The following PGM5 variants were observed in gnomAD, a reference collection of about 807,000 sequenced individuals.
PGM5 encodes the protein phosphoglucomutase 5.
A neutral mutation model predicts 59.2 loss-of-function variants in PGM5; 23 were observed. The observed-to-expected ratio is 0.39, with a 90% CI of 0.28 to 0.55. PGM5 has a LOEUF of 0.55. PGM5 is among the 20% of genes least tolerant of loss of function. The pLI is 0.66. For missense variants in PGM5, 574 were observed against 748.3 expected (o/e 0.77, Z 2.72); for synonymous variants, 214 against 286.0 (o/e 0.75, Z 2.54).
chr9:68,472,805 A>C (rs1554686357), intron 7 of PGM5, among the ~76,000 whole-genome samples: 1 of 152,052 alleles, frequency 6.6e-6, no homozygotes, highest in African/African-American at 2.4e-5. Flanking sequence ...ACTATTTATT[A>C]CTATTTTACT....
chr9:68,422,901 A>G (rs1462389391), intron 6 of PGM5, among the ~76,000 whole-genome samples: 1 of 152,028 alleles, frequency 6.6e-6, no homozygotes, highest in African/African-American at 2.4e-5. Flanking sequence ...CGTGTCCCCA[A>G]AGTCCATTGT....
At chr9:68,405,665 T>TCTCCTTCCCTG (rs1822789035) in intron 6 of PGM5, 1 of 153,946 alleles carries the variant, frequency 6.5e-6, no homozygotes, top group South Asian at 2.0e-4. Flanking sequence ...CTCCTTCCCT[T>TCTCCTTCCCTG]CTCCCTCCTT....
rs1176887070 is a variant in PGM5, at chr9:68,531,046, C to G, written c.*1390C>G. On this transcript the variant is annotated 3_prime_UTR_variant, in exon 11 of 11. Transcript: ENST00000396396. ...TTTAGTGGCCAATAAAAAAGAAATT[C>G]CTAATTTCAACCTTATCCAAGGATT... 1 of 152,164 alleles carries G rather than the reference C, an allele frequency of 6.6e-6. No individual in the cohort carries two copies. Among genetic ancestry groups the G allele is most frequent in the African/African-American group, 2.4e-5 (1 of 41,422 alleles). 9.4% of individuals were successfully genotyped at this position (152,164 alleles called of 1,614,324 possible). A position where few individuals can be genotyped will look rare whatever the true frequency, so the allele number is the denominator to read the frequency against.
intron 6 of PGM5, among the ~76,000 whole-genome samples, chr9:68,464,128 A>G (rs782161605): frequency 6.6e-6 from 1 of 152,210 alleles, no homozygotes; most frequent in Non-Finnish European, 1.5e-5. Flanking sequence ...TTTGATGGAC[A>G]TTTGGATTGT....
chr9:68,519,652 A>T (rs1260290914), intron 10 of PGM5, among the ~76,000 whole-genome samples: 2 of 150,590 alleles, frequency 1.3e-5, no homozygotes, highest in African/African-American at 4.9e-5. Flanking sequence ...AAAGTATAAT[A>T]AAAAAAAATT....
At chr9:68,472,887 C>G (rs1554686361) in intron 7 of PGM5, among the ~76,000 whole-genome samples, 1 of 152,222 alleles carries the variant, frequency 6.6e-6, no homozygotes, top group African/African-American at 2.4e-5. Context: ...GTGTCCTTTG[C>G]TGCTGTCTGA....
chr9:68,528,512 C>T (rs1284596368), intron 10 of PGM5, among the ~76,000 whole-genome samples: 1 of 152,208 alleles, frequency 6.6e-6, no homozygotes, highest in Admixed American at 6.5e-5. Flanking sequence ...ATTGGGATTA[C>T]AGGCATGAGC....
intron 6 of PGM5, among the ~76,000 whole-genome samples, chr9:68,448,937 A>T (rs1823655008): frequency 6.6e-6 from 1 of 152,182 alleles, no homozygotes; most frequent in Non-Finnish European, 1.5e-5. Flanking sequence ...TTGGGCTACT[A>T]TAGTAAATTA....
intron 10 of PGM5, among the ~76,000 whole-genome samples, chr9:68,503,376 T>C (rs974116841): frequency 6.6e-6 from 1 of 152,196 alleles, no homozygotes; most frequent in East Asian, 1.9e-4. Context: ...ACAACCCCAT[T>C]TTATAATAAA....
At chr9:68,383,023 T>C (rs1300910401) in intron 2 of PGM5, among the ~76,000 whole-genome samples, 1 of 152,022 alleles carries the variant, frequency 6.6e-6, no homozygotes, top group African/African-American at 2.4e-5. Context: ...ACCTATTCTT[T>C]AAGTTTTGTG....
intron 6 of PGM5, among the ~76,000 whole-genome samples, chr9:68,412,263 CTTTA>C (rs781906427): frequency 6.6e-6 from 1 of 152,128 alleles, no homozygotes; most frequent in African/African-American, 2.4e-5. Flanking sequence ...ATTTTTCTTC[CTTTA>C]TTTAAATCTT....
chr9:68,414,088 C>A (rs1189350807), intron 6 of PGM5, among the ~76,000 whole-genome samples: 1 of 152,152 alleles, frequency 6.6e-6, no homozygotes, highest in Non-Finnish European at 1.5e-5. Flanking sequence ...GGTATCTCCC[C>A]ACCTTCTTGC....
At chr9:68,450,757 A>G (rs1338480978) in intron 6 of PGM5, among the ~76,000 whole-genome samples, 1 of 152,216 alleles carries the variant, frequency 6.6e-6, no homozygotes, top group African/African-American at 2.4e-5. Flanking sequence ...CATTGTTTCA[A>G]GATTTTCAGA....
chr9:68,436,436 G>A (rs1587809472), intron 6 of PGM5, among the ~76,000 whole-genome samples: 4 of 152,276 alleles, frequency 2.6e-5, no homozygotes, highest in Admixed American at 2.6e-4. Context: ...GCAGGACCCG[G>A]AAGATAAAAA....
chr9:68,400,328 C>A (rs1342519639), intron 6 of PGM5, among the ~76,000 whole-genome samples: 1 of 152,142 alleles, frequency 6.6e-6, no homozygotes, highest in Non-Finnish European at 1.5e-5. Flanking sequence ...ACATTCTTAT[C>A]CTGCACTCTA....
intron 10 of PGM5, among the ~76,000 whole-genome samples, chr9:68,518,137 A>G (rs1293057981): frequency 6.6e-6 from 1 of 152,238 alleles, no homozygotes; most frequent in Admixed American, 6.5e-5. Flanking sequence ...TGGTTAGTTA[A>G]GTACACATCA....
intron 6 of PGM5, among the ~76,000 whole-genome samples, chr9:68,430,910 T>G (rs1554682960): frequency 6.6e-6 from 1 of 152,230 alleles, no homozygotes; most frequent in East Asian, 1.9e-4. Context: ...GCATCAACTA[T>G]TTATATTTTC....
At chr9:68,457,475 A>T (rs1823796158) in intron 6 of PGM5, among the ~76,000 whole-genome samples, 2 of 152,226 alleles carry the variant, frequency 1.3e-5, no homozygotes, top group South Asian at 4.1e-4. Context: ...TTATACAAAT[A>T]CTAGTCTTCT....
chr9:68,406,684 A>ATATATATATATATATATATATATATGTG (rs1822821533), intron 6 of PGM5, among the ~76,000 whole-genome samples: 1 of 43,794 alleles, frequency 2.3e-5, no homozygotes, highest in African/African-American at 9.7e-5. Context: ...ATATGTATAT[A>ATATATATATATATATATATATATATGTG]TATATATATA....
Sources: allele counts gnomAD v4.1 joint callset (sites outside exome capture counted in the v4.1 genomes callset), GRCh38; gene constraint gnomAD v4.1.1; transcripts MANE v1.5; gene names NCBI Gene and HGNC (gene_info 2026-07-23, HGNC 2026-07-21).